ARHGAP10: variants seen among roughly 807,000 people sequenced by gnomAD.
ARHGAP10 encodes the protein Rho GTPase activating protein 10, also known as rho GTPase-activating protein 10.
ARHGAP10 carries 87 observed loss-of-function variants against 108.6 expected under a neutral mutation model. That is an observed-to-expected ratio of 0.80 (90% CI 0.67 to 0.96). The LOEUF (loss-of-function observed/expected upper bound fraction) is 0.96. ARHGAP10 is among the 40% of genes least tolerant of loss of function. The probability of loss-of-function intolerance (pLI) is 0.00; values close to 1 mark genes in which losing one functional copy is unlikely to be tolerated. For synonymous variants in ARHGAP10, 347 were observed against 341.1 expected (o/e 1.02, Z -0.19); for missense variants, 939 against 954.5 (o/e 0.98, Z 0.21).
At chr4:147,782,268 G>A (rs975771128) in intron 1 of ARHGAP10, among the ~76,000 whole-genome samples, 1 of 152,180 alleles carries the variant, frequency 6.6e-6, no homozygotes, top group East Asian at 1.9e-4. Flanking sequence ...TGTATTGGGC[G>A]TGTTGAACTA....
In ARHGAP10 at chr4:147,994,505, A is replaced by G. The variant is rs183905733; in HGVS notation, c.1716+27666A>G. Reference sequence around the variant, plus strand: ...TCTAAAGTAGTTGGATTAATAGGTTATGGGGAAGATTTATAATCCTTTGTG... The same window carrying G: ...TCTAAAGTAGTTGGATTAATAGGTTGTGGGGAAGATTTATAATCCTTTGTG... On this transcript the variant is annotated intron_variant, in intron 18 of 22. Transcript: ENST00000336498. 5.9e-5 allele frequency among the ~76,000 whole-genome samples: 9 copies of G among 152,356 alleles called. No individual in the cohort carries two copies. In the East Asian group the frequency reaches 1.7e-3, roughly 29 times the overall value.
intron 18 of ARHGAP10, among the ~76,000 whole-genome samples, chr4:147,999,053 A>G (rs1231922411): frequency 6.6e-6 from 1 of 152,228 alleles, no homozygotes; most frequent in African/African-American, 2.4e-5. Context: ...AAGAACTGTT[A>G]TGCTAACATT....
chr4:147,758,323 A>AT (rs1364871397), intron 1 of ARHGAP10, among the ~76,000 whole-genome samples: 5 of 152,126 alleles, frequency 3.3e-5, no homozygotes, highest in Non-Finnish European at 7.4e-5. Flanking sequence ...CCTTTGGCTA[A>AT]TTTTTTTGAT....
intron 19 of ARHGAP10, among the ~76,000 whole-genome samples, chr4:148,034,398 A>G (rs1578810791): frequency 6.6e-6 from 1 of 152,024 alleles, no homozygotes; most frequent in Non-Finnish European, 1.5e-5. Flanking sequence ...GCTCACTGCA[A>G]TCTCTGCCTC....
chr4:147,878,096 C>T (rs1735149028), intron 8 of ARHGAP10, among the ~76,000 whole-genome samples: 1 of 151,338 alleles, frequency 6.6e-6, no homozygotes, highest in Non-Finnish European at 1.5e-5. Context: ...ACCACCACGC[C>T]CAGCTAATTT....
At chr4:147,793,218 GTA>G (rs1396090675) in intron 1 of ARHGAP10, among the ~76,000 whole-genome samples, 28 of 151,388 alleles carry the variant, frequency 1.8e-4, no homozygotes, top group South Asian at 2.1e-4. Flanking sequence ...GTGTATATAT[GTA>G]TATATGTGTG....
At chr4:147,874,276 G>A (rs1377206223) in intron 7 of ARHGAP10, among the ~76,000 whole-genome samples, 1 of 152,200 alleles carries the variant, frequency 6.6e-6, no homozygotes, top group African/African-American at 2.4e-5. Context: ...CTGGATGAAA[G>A]AAGTGTCCAG....
At chr4:148,023,035 C>G in intron 18 of ARHGAP10, 1 of 438,290 alleles carries the variant, frequency 2.3e-6, no homozygotes, top group Non-Finnish European at 4.0e-6. Context: ...TGATATATAA[C>G]AATCTGATGT....
At chr4:147,777,886 T>C (rs1262978799) in intron 1 of ARHGAP10, among the ~76,000 whole-genome samples, 1 of 152,200 alleles carries the variant, frequency 6.6e-6, no homozygotes, top group Non-Finnish European at 1.5e-5. Context: ...AGACACTCTT[T>C]CCTATAGATG....
intron 3 of ARHGAP10, among the ~76,000 whole-genome samples, chr4:147,845,497 G>A (rs1253139036): frequency 6.6e-6 from 1 of 152,180 alleles, no homozygotes; most frequent in Non-Finnish European, 1.5e-5. Flanking sequence ...CTTTGGAGAA[G>A]CACCTCTTTG....
intron 4 of ARHGAP10, among the ~76,000 whole-genome samples, chr4:147,849,053 C>T (rs963346011): frequency 6.6e-6 from 1 of 152,130 alleles, no homozygotes; most frequent in African/African-American, 2.4e-5. Context: ...GACTGTTGTA[C>T]CTATGGATGT....
At chr4:147,748,384 T>TAA (rs11457339) in intron 1 of ARHGAP10, among the ~76,000 whole-genome samples, 9 of 151,914 alleles carry the variant, frequency 5.9e-5, no homozygotes, top group African/African-American at 1.9e-4. Context: ...TAGAAACTAG[T>TAA]AAAAAAAAGC....
chr4:148,066,085 C>T (rs1729862254), intron 22 of ARHGAP10, among the ~76,000 whole-genome samples: 1 of 151,586 alleles, frequency 6.6e-6, no homozygotes, highest in Non-Finnish European at 1.5e-5. Context: ...TATCAAAGAC[C>T]AAAGTATTTC....
intron 19 of ARHGAP10, among the ~76,000 whole-genome samples, chr4:148,027,250 T>G (rs1244803476): frequency 3.3e-5 from 5 of 152,252 alleles, no homozygotes; most frequent in Admixed American, 1.3e-4. Flanking sequence ...TTTGCCTGTC[T>G]TCTTTTGTAA....
chr4:147,829,709 T>C (rs1294399686), intron 3 of ARHGAP10, among the ~76,000 whole-genome samples: 1 of 152,196 alleles, frequency 6.6e-6, no homozygotes, highest in African/African-American at 2.4e-5. Flanking sequence ...TGTACTTATC[T>C]GAGGTGGGCA....
At chr4:147,996,077 T>C (rs1740463560) in intron 18 of ARHGAP10, among the ~76,000 whole-genome samples, 1 of 152,146 alleles carries the variant, frequency 6.6e-6, no homozygotes, top group Admixed American at 6.6e-5. Flanking sequence ...TGTGAAATAC[T>C]CAAAAAGCTC....
intron 22 of ARHGAP10, among the ~76,000 whole-genome samples, chr4:148,064,860 C>G (rs529575072): frequency 6.6e-6 from 1 of 152,304 alleles, no homozygotes; most frequent in East Asian, 1.9e-4. Flanking sequence ...GAGTTGCTAA[C>G]CAAGTCCTTT....
At chr4:147,852,199 C>T (rs1442102812) in intron 4 of ARHGAP10, among the ~76,000 whole-genome samples, 1 of 152,190 alleles carries the variant, frequency 6.6e-6, no homozygotes, top group Non-Finnish European at 1.5e-5. Context: ...TTAGGGGTGA[C>T]AAGCCATAGC....
chr4:147,767,169 A>C (rs1729871053), intron 1 of ARHGAP10, among the ~76,000 whole-genome samples: 1 of 152,038 alleles, frequency 6.6e-6, no homozygotes, highest in Admixed American at 6.6e-5. Flanking sequence ...TGTTAAAGCA[A>C]ATCCAGCAGC....
Sources: gnomAD v4.1 joint callset for allele counts (sites outside exome capture counted in the v4.1 genomes callset) on GRCh38, gnomAD v4.1.1 for gene constraint, MANE v1.5 for transcripts, NCBI Gene and HGNC (gene_info 2026-07-23, HGNC 2026-07-21) for gene names.